TNIK: variants seen among roughly 807,000 people sequenced by gnomAD.
TNIK encodes the protein TRAF2 and NCK interacting kinase.
In TNIK, 49 loss-of-function variants were observed where a neutral mutation model predicts 191.3. The observed-to-expected ratio is 0.26, with a 90% CI of 0.20 to 0.32. The LOEUF (loss-of-function observed/expected upper bound fraction) is 0.32, where lower values mean the gene tolerates loss of function less well. TNIK is among the 10% of genes least tolerant of loss of function. The pLI is 1.00. For missense variants in TNIK, 1,155 were observed against 1,702.3 expected (o/e 0.68, Z 5.66); for synonymous variants, 594 against 600.9 (o/e 0.99, Z 0.17).
intron 3 of TNIK, among the ~76,000 whole-genome samples, chr3:171,215,834 C>T (rs1045532456): frequency 6.6e-6 from 1 of 152,120 alleles, no homozygotes; most frequent in African/African-American, 2.4e-5. Context: ...TAGTTATATG[C>T]TCTGTAATAA....
intron 29 of TNIK, among the ~76,000 whole-genome samples, 181 bp downstream of exon 29, chr3:171,071,042 A>G (rs1471125672): frequency 6.6e-6 from 1 of 152,252 alleles, no homozygotes; most frequent in Admixed American, 6.5e-5. Context: ...ATCTAATTTT[A>G]TAGCATTTAC....
chr3:171,248,656 C>G (rs1214179097), intron 2 of TNIK, among the ~76,000 whole-genome samples: 7 of 152,116 alleles, frequency 4.6e-5, no homozygotes, highest in Admixed American at 3.9e-4. Context: ...GATTGGGATG[C>G]TGTACATTTA....
At chr3:171,181,511 C>T (rs1197724039) in intron 7 of TNIK, among the ~76,000 whole-genome samples, 1 of 152,204 alleles carries the variant, frequency 6.6e-6, no homozygotes, top group Non-Finnish European at 1.5e-5. Context: ...TATCCTGACT[C>T]CCCGACAGCT....
chr3:171,134,565 G>A (rs930937774), intron 15 of TNIK, among the ~76,000 whole-genome samples: 3 of 152,170 alleles, frequency 2.0e-5, no homozygotes, highest in South Asian at 2.1e-4. Flanking sequence ...GATTATAGAC[G>A]TGAGCCACCG....
At position 171,453,449 on chromosome 3, in the gene TNIK, T is replaced by C. The variant is rs767070050; in HGVS notation, c.57+6558A>G. Among the ~76,000 whole-genome samples, 62 of 152,170 alleles carry C rather than the reference T, an allele frequency of 4.1e-4. 1 individual carries two copies. The Middle Eastern group carries it at 0.024, about 58-fold the overall frequency. On this transcript the variant is annotated intron_variant, in intron 1 of 32. Coordinates refer to ENST00000436636, the MANE Select transcript of TNIK (RefSeq NM_015028.4). ...CAGAGCATCCATGGGGGAATGAAAT[T>C]GTTCCCTGCCGCAATGGGGGAGTGG...
rs976052350 is a variant in TNIK at position 171,166,952 on chromosome 3, G to A, written c.949+143C>T. ...AGTCTCACGCCACTGATGCCCAGAG[G>A]CTGTGGTCTCAGAGACAGCCCCTCG... On this transcript the variant is annotated intron_variant, in intron 10 of 32. Coordinates refer to ENST00000436636, the MANE Select transcript of TNIK (RefSeq NM_015028.4). The A allele has an allele frequency of 3.4e-5, 35 of 1,019,500 alleles. No homozygotes were observed. The African/African-American group carries it at 4.6e-4, about 13-fold the overall frequency. 63.2% of individuals were successfully genotyped at this position (1,019,500 alleles called of 1,614,324 possible).
chr3:171,075,005 G>A (rs998949388), intron 28 of TNIK, among the ~76,000 whole-genome samples: 1 of 152,242 alleles, frequency 6.6e-6, no homozygotes, highest in Non-Finnish European at 1.5e-5. Context: ...TTAGAAGGAA[G>A]ACGTCAGAAA....
intron 4 of TNIK, among the ~76,000 whole-genome samples, chr3:171,207,990 T>G (rs906117859): frequency 6.6e-6 from 1 of 151,994 alleles, no homozygotes; most frequent in Non-Finnish European, 1.5e-5. Flanking sequence ...AGCCCGGTGG[T>G]AGCAATAACA....
chr3:171,144,400 C>T (rs1731253637), intron 12 of TNIK, among the ~76,000 whole-genome samples: 1 of 150,726 alleles, frequency 6.6e-6, no homozygotes, highest in Admixed American at 6.6e-5. Context: ...TAGGACAATT[C>T]CTTTTTATTT....
chr3:171,333,499 G>A (rs1756617307), intron 2 of TNIK, among the ~76,000 whole-genome samples: 2 of 150,964 alleles, frequency 1.3e-5, no homozygotes, highest in Admixed American at 1.3e-4. Flanking sequence ...AGAGGTTGCA[G>A]GGAGGCAGAG....
At chr3:171,388,006 A>T (rs1368616400) in intron 1 of TNIK, among the ~76,000 whole-genome samples, 3 of 152,120 alleles carry the variant, frequency 2.0e-5, no homozygotes, top group Non-Finnish European at 4.4e-5. Context: ...GGGGGAGCAG[A>T]TCTTTCCAAA....
chr3:171,323,231 A>G lies in TNIK; in HGVS notation c.123+46389T>C, dbSNP rs920096371. Among the ~76,000 whole-genome samples the G allele has an allele frequency of 2.4e-4, 37 of 152,186 alleles. 1 individual carries two copies. The highest frequency in any genetic ancestry group is 1.0e-4 in the Non-Finnish European group (7 of 68,032). On this transcript the variant is annotated intron_variant, in intron 2 of 32. Transcript: ENST00000436636. Reference sequence around the variant, plus strand: ...AGCACATGAAATTTATTTTCCTAACATCTTACTTGCAAAGTCTTTCTTCAT... The same window carrying G: ...AGCACATGAAATTTATTTTCCTAACGTCTTACTTGCAAAGTCTTTCTTCAT...
At chr3:171,244,067 T>TTTG (rs897051982) in intron 2 of TNIK, among the ~76,000 whole-genome samples, 2 of 150,934 alleles carry the variant, frequency 1.3e-5, no homozygotes, top group Non-Finnish European at 3.0e-5. Flanking sequence ...ATAGTTTTTT[T>TTTG]TTTTTTTTTT....
chr3:171,330,786 C>T (rs561424404), intron 2 of TNIK, among the ~76,000 whole-genome samples: 2 of 152,144 alleles, frequency 1.3e-5, no homozygotes, highest in African/African-American at 2.4e-5. Context: ...ACCTACCTTT[C>T]GAATTATGAT....
At chr3:171,271,564 T>TA (rs1432945484) in intron 2 of TNIK, among the ~76,000 whole-genome samples, 1 of 152,238 alleles carries the variant, frequency 6.6e-6, no homozygotes, top group Non-Finnish European at 1.5e-5. Context: ...ATTTCCTCCA[T>TA]AAAAACACTT....
intron 2 of TNIK, among the ~76,000 whole-genome samples, chr3:171,364,793 A>G (rs1715461391): frequency 6.6e-6 from 1 of 152,154 alleles, no homozygotes; most frequent in Admixed American, 6.5e-5. Flanking sequence ...TTGAGAAGGT[A>G]ACATTTGAGC....
chr3:171,378,351 G>A (rs1040053922), intron 1 of TNIK, among the ~76,000 whole-genome samples: 3 of 152,048 alleles, frequency 2.0e-5, no homozygotes, highest in African/African-American at 7.2e-5. Flanking sequence ...ATGACTTTGG[G>A]CATGTTATTT....
At position 171,167,229 on chromosome 3, in the gene TNIK, T is replaced by C. The variant is rs1734728696; in HGVS notation, c.815A>G (p.Lys272Arg). Residue 272 changes from lysine (K) to arginine (R), a missense_variant, in exon 10 of 33, where the codon AAG (lysine) becomes AGG (arginine). Lys to Arg is a conservative substitution (Grantham distance 26). This residue lies in a region of TNIK where 225 missense variants were observed against 438.9 expected (regional missense o/e 0.51). Coordinates refer to ENST00000436636, the MANE Select transcript of TNIK (RefSeq NM_015028.4). ...FQSFIESCLV[K>R]NHSQRPATEQ... is the part of the protein sequence containing the mutation. ...TGTTGCTGGTCGCTGGCTGTGATTC[T>C]TTACCAAGCAGCTCTCAATAAATGA... The C allele has an allele frequency of 6.2e-7, 1 of 1,613,862 alleles. No individual in the cohort carries two copies. The highest frequency in any genetic ancestry group is 8.5e-7 in the Non-Finnish European group (1 of 1,179,878).
chr3:171,433,356 G>A (rs1200611317), intron 1 of TNIK, among the ~76,000 whole-genome samples: 4 of 152,016 alleles, frequency 2.6e-5, no homozygotes, highest in Non-Finnish European at 5.9e-5. Flanking sequence ...AAGTGATACA[G>A]CAAAAACAAA....
Sources: gnomAD v4.1 joint callset for allele counts (sites outside exome capture counted in the v4.1 genomes callset) on GRCh38, gnomAD v4.1.1 for gene constraint, gnomAD v4.1.1 regional missense constraint, MANE v1.5 for transcripts, NCBI Gene and HGNC (gene_info 2026-07-23, HGNC 2026-07-21) for gene names.